The following BNC2 variants were observed in gnomAD, a reference collection of about 807,000 sequenced individuals.
BNC2 encodes basonuclin zinc finger protein 2.
BNC2 carries 20 observed loss-of-function variants against 76.3 expected under a neutral mutation model. That is an observed-to-expected ratio of 0.26 (90% CI 0.18 to 0.38). The LOEUF is 0.38. Among genes scored for constraint, BNC2 ranks in the 10% least tolerant of loss-of-function variants. The pLI, the probability that BNC2 is intolerant of heterozygous loss-of-function variation, is 1.00. For synonymous variants in BNC2, 582 were observed against 514.8 expected, an observed-to-expected ratio of 1.13 and a Z score of -1.77; for missense variants, 1,382 against 1,399.8, an observed-to-expected ratio of 0.99 and a Z score of 0.20.
chr9:16,577,948 T>A (rs753891100), intron 4 of BNC2, among the ~76,000 whole-genome samples: 1 of 152,138 alleles, frequency 6.6e-6, no homozygotes, highest in Non-Finnish European at 1.5e-5. Flanking sequence ...TGTGGGTGCG[T>A]TAAGCTATAA....
chr9:16,576,513 G>A (rs1819490009), intron 4 of BNC2, among the ~76,000 whole-genome samples: 1 of 152,158 alleles, frequency 6.6e-6, no homozygotes, highest in Non-Finnish European at 1.5e-5. Flanking sequence ...TACCAGTTGG[G>A]AACAAACCAC....
intron 3 of BNC2, among the ~76,000 whole-genome samples, chr9:16,594,343 T>A (rs534797199): frequency 6.6e-6 from 1 of 152,176 alleles, no homozygotes; most frequent in Non-Finnish European, 1.5e-5. Context: ...CCTAAGTCAG[T>A]ATCTTTCCCT....
chr9:16,788,452 C>A (rs1401520899), intron 1 of BNC2, among the ~76,000 whole-genome samples: 1 of 150,684 alleles, frequency 6.6e-6, no homozygotes, highest in Non-Finnish European at 1.5e-5. Context: ...ACTCGGGAGG[C>A]TAAGGCAGGA....
chr9:16,442,282 A>G (rs1232190120), intron 5 of BNC2, among the ~76,000 whole-genome samples: 1 of 152,234 alleles, frequency 6.6e-6, no homozygotes, highest in Non-Finnish European at 1.5e-5. Context: ...CTGGGTTCAG[A>G]AAAAGTATAA....
chr9:16,653,935 G>C (rs148861332), intron 3 of BNC2, among the ~76,000 whole-genome samples: 21 of 151,134 alleles, frequency 1.4e-4, no homozygotes, highest in African/African-American at 4.6e-4. Context: ...CTCCTTCCTC[G>C]GCCCCCCTCC....
At chr9:16,602,134 T>G (rs373925229) in intron 3 of BNC2, among the ~76,000 whole-genome samples, 20 of 152,326 alleles carry the variant, frequency 1.3e-4, no homozygotes, top group African/African-American at 4.8e-4. Context: ...CAAAGCAGGT[T>G]CTTTGCCTAA....
intron 1 of BNC2, among the ~76,000 whole-genome samples, chr9:16,829,556 G>A (rs1586917556): frequency 6.6e-6 from 1 of 152,038 alleles, no homozygotes; most frequent in East Asian, 1.9e-4. Flanking sequence ...TAGAAAACAC[G>A]ATATAGGCCA....
chr9:16,553,429 T>C (rs189017810), intron 4 of BNC2, among the ~76,000 whole-genome samples: 8 of 152,330 alleles, frequency 5.3e-5, no homozygotes, highest in Admixed American at 2.0e-4. Context: ...TAGATAGCTT[T>C]TGTGTTCATT....
At chr9:16,633,651 T>C (rs1353191194) in intron 3 of BNC2, among the ~76,000 whole-genome samples, 1 of 152,222 alleles carries the variant, frequency 6.6e-6, no homozygotes, top group African/African-American at 2.4e-5. Flanking sequence ...TCCATCTTCA[T>C]CGTGTTTATC....
rs754774287 is a variant in BNC2, at chr9:16,460,312, G to GA, written c.670-22789dup. ...AAATAAGTGGAGGTAAAACGGAACA[G>GA]AAAAAAAAAAAAAGTCAAAACAAAA... is the stretch of plus-strand genomic sequence containing the variant. On this transcript the variant is annotated intron_variant, in intron 5 of 6. Coordinates refer to ENST00000380672, the MANE Select transcript of BNC2 (RefSeq NM_017637.6). Among the ~76,000 whole-genome samples the GA allele has an allele frequency of 2.3e-3, 316 of 139,696 alleles. 1 individual carries two copies. Among genetic ancestry groups the GA allele is most frequent in the African/African-American group, 5.0e-3 (191 of 38,298 alleles). The allele number at this position is 139,696 out of a possible 152,430, so 91.6% of individuals were successfully genotyped here.
chr9:16,671,562 T>C (rs1419013964), intron 3 of BNC2, among the ~76,000 whole-genome samples: 1 of 152,036 alleles, frequency 6.6e-6, no homozygotes, highest in African/African-American at 2.4e-5. Flanking sequence ...TATCCCAGAG[T>C]TTCTCATCAG....
intron 6 of BNC2, chr9:16,421,205 T>C: frequency 8.3e-7 from 1 of 1,207,368 alleles, no homozygotes; most frequent in Non-Finnish European, 1.1e-6. Context: ...CACTCTGGGT[T>C]TTAAGGGGCA....
chr9:16,726,741 T>G (rs1824335739), intron 3 of BNC2: 1 of 152,140 alleles, frequency 6.6e-6, no homozygotes, highest in African/African-American at 2.4e-5. Flanking sequence ...ACTAACTTGC[T>G]TTGTGTGGGT....
intron 1 of BNC2, among the ~76,000 whole-genome samples, chr9:16,767,129 G>T (rs545844939): frequency 1.3e-5 from 2 of 152,326 alleles, no homozygotes; most frequent in East Asian, 3.9e-4. Flanking sequence ...AAGAGTGAGG[G>T]AGAGGGATGA....
rs577355028 is a variant in BNC2 at position 16,829,567 on chromosome 9, A to G, written c.3+41079T>C. The stretch of plus-strand genomic sequence containing the variant: ...TGACTAGAAAACACGATATAGGCCA[A>G]AACACATTCTCACCTTAGTTCCTAT... On this transcript the variant is annotated intron_variant, in intron 1 of 6. Coordinates refer to ENST00000380672, the MANE Select transcript of BNC2 (RefSeq NM_017637.6). Among the ~76,000 whole-genome samples, 6 of 152,352 alleles carry G rather than the reference A, an allele frequency of 3.9e-5. No individual in the cohort carries two copies. The East Asian group carries it at 1.2e-3, about 29-fold the overall frequency.
rs1356517972 is a variant in BNC2, at chr9:16,847,614, A to T, written c.3+23032T>A. Among the ~76,000 whole-genome samples the T allele has an allele frequency of 4.6e-5, 7 of 152,336 alleles. No homozygotes were observed. In the South Asian group the frequency reaches 1.4e-3, roughly 32 times the overall value. On this transcript the variant is annotated intron_variant, in intron 1 of 6. Coordinates refer to ENST00000380672, the MANE Select transcript of BNC2 (RefSeq NM_017637.6). Reference sequence around the variant, plus strand: ...TAAAATATACAAGGTAGTATAACTTAATTTTGACAATTAAAAGCTTGTCCG... The same window carrying T: ...TAAAATATACAAGGTAGTATAACTTTATTTTGACAATTAAAAGCTTGTCCG...
In BNC2 at chr9:16,411,685, T is replaced by C. The variant is rs1820464764; in HGVS notation, c.*7304A>G. On this transcript the variant is annotated 3_prime_UTR_variant, in exon 7 of 7. Coordinates refer to ENST00000380672, the MANE Select transcript of BNC2 (RefSeq NM_017637.6). The stretch of plus-strand genomic sequence containing the variant: ...TCTTCCCAGTCCCCACACTGGTTCA[T>C]GAAATTATTTAGCACAGATTTGTCA... 1 of 152,660 alleles carries C rather than the reference T, an allele frequency of 6.6e-6. No homozygotes were observed. The highest frequency in any genetic ancestry group is 1.5e-5 in the Non-Finnish European group (1 of 68,034). The allele number at this position is 152,660 out of a possible 1,614,324, so 9.5% of individuals were successfully genotyped here.
At chr9:16,480,195 A>G (rs1484195272) in intron 5 of BNC2, among the ~76,000 whole-genome samples, 1 of 152,210 alleles carries the variant, frequency 6.6e-6, no homozygotes, top group Non-Finnish European at 1.5e-5. Context: ...AGTGGCAGAA[A>G]TGGGATTCAA....
At chr9:16,707,205 G>A (rs13298668) in intron 3 of BNC2, among the ~76,000 whole-genome samples, 1 of 147,910 alleles carries the variant, frequency 6.8e-6, no homozygotes, top group African/African-American at 2.5e-5. Flanking sequence ...CCGCCCCCCC[G>A]CCAAAAAAAA....
Sources: gnomAD v4.1 joint callset for allele counts (sites outside exome capture counted in the v4.1 genomes callset) on GRCh38, gnomAD v4.1.1 for gene constraint, MANE v1.5 for transcripts, NCBI Gene and HGNC (gene_info 2026-07-23, HGNC 2026-07-21) for gene names.